INVS: variants seen among roughly 807,000 people sequenced by gnomAD.
INVS encodes inversin.
A neutral mutation model predicts 108.8 loss-of-function variants in INVS; 86 were observed. The ratio of observed to expected loss-of-function variants is 0.79; its 90% confidence interval spans 0.66 to 0.95. The LOEUF (loss-of-function observed/expected upper bound fraction) is 0.95, where lower values mean the gene tolerates loss of function less well. Ranked by LOEUF, INVS falls within the 40% of genes least tolerant of loss-of-function variation. INVS has a pLI of 0.00. For missense variants in INVS, 1,169 were observed against 1,297.4 expected, an observed-to-expected ratio of 0.90 and a Z score of 1.52; for synonymous variants, 455 against 473.5, an observed-to-expected ratio of 0.96 and a Z score of 0.51.
chr9:100,291,097 G>A (rs868217331), intron 13 of INVS, among the ~76,000 whole-genome samples: 2 of 149,304 alleles, frequency 1.3e-5, no homozygotes, highest in Admixed American at 1.3e-4. Context: ...ACGGAGTCTC[G>A]CTGTCACCCA....
chr9:100,229,262 C>G (rs1461528161), intron 4 of INVS, among the ~76,000 whole-genome samples: 4 of 152,106 alleles, frequency 2.6e-5, no homozygotes, highest in Admixed American at 2.6e-4. Context: ...AGAAGGATGA[C>G]TTGAACACAA....
intron 8 of INVS, among the ~76,000 whole-genome samples, chr9:100,251,001 G>T (rs549078897): frequency 6.6e-6 from 1 of 152,134 alleles, no homozygotes; most frequent in East Asian, 1.9e-4. Context: ...CTCAAAATAC[G>T]CTGTCTTTTT....
chr9:100,174,402 T>TAA (rs929801459), intron 3 of INVS, among the ~76,000 whole-genome samples: 1 of 144,166 alleles, frequency 6.9e-6, no homozygotes, highest in African/African-American at 2.5e-5. Flanking sequence ...AACCAATCTT[T>TAA]AAAAAAAAAA....
Position 100,207,340 on chromosome 9 carries a change from C to T in INVS, c.274-18722C>T, listed in dbSNP as rs555439745. 4.6e-5 allele frequency among the ~76,000 whole-genome samples: 7 copies of T among 152,202 alleles called. No homozygotes were observed. In the South Asian group the frequency reaches 1.5e-3, roughly 32 times the overall value. On this transcript the variant is annotated intron_variant, in intron 3 of 16. Coordinates refer to ENST00000262457, the MANE Select transcript of INVS (RefSeq NM_014425.5). ...GCAGAGTCTCACTCTGTCACCCAGG[C>T]TGGAATGCAGTGGCACTATCTTGGC...
chr9:100,123,447 G>A (rs933858217), intron 2 of INVS, among the ~76,000 whole-genome samples: 2 of 152,140 alleles, frequency 1.3e-5, no homozygotes, highest in African/African-American at 4.8e-5. Context: ...CATTCCTTTT[G>A]CTGAGTAATA....
intron 3 of INVS, among the ~76,000 whole-genome samples, chr9:100,207,398 A>G (rs943443648): frequency 6.6e-6 from 1 of 152,062 alleles, no homozygotes; most frequent in Non-Finnish European, 1.5e-5. Flanking sequence ...GATTCAAGCG[A>G]TTCTCATGAC....
intron 5 of INVS, among the ~76,000 whole-genome samples, chr9:100,230,037 C>T (rs375778563): frequency 4.6e-5 from 7 of 152,214 alleles, no homozygotes; most frequent in African/African-American, 1.2e-4. Context: ...AGTTTTTAAA[C>T]GCATTCATTC....
chr9:100,161,135 G>A (rs1829160162), intron 3 of INVS, among the ~76,000 whole-genome samples: 1 of 151,694 alleles, frequency 6.6e-6, no homozygotes, highest in Non-Finnish European at 1.5e-5. Flanking sequence ...CAGCACTTTG[G>A]GAGGCCGAGT....
chr9:100,219,789 A>G (rs948469936), intron 3 of INVS, among the ~76,000 whole-genome samples: 2 of 152,190 alleles, frequency 1.3e-5, no homozygotes, highest in Non-Finnish European at 2.9e-5. Context: ...ATAAATCTGA[A>G]AAATACTGCT....
At chr9:100,106,553 A>G (rs1464974732) in intron 2 of INVS, among the ~76,000 whole-genome samples, 4 of 152,178 alleles carry the variant, frequency 2.6e-5, no homozygotes, top group Admixed American at 2.6e-4. Context: ...TCATTCTCAT[A>G]ATATTGCAAT....
At chr9:100,124,446 G>A (rs1827823111) in intron 2 of INVS, among the ~76,000 whole-genome samples, 1 of 151,334 alleles carries the variant, frequency 6.6e-6, no homozygotes, top group Non-Finnish European at 1.5e-5. Flanking sequence ...GATAAGCCAG[G>A]CATGCACTGT....
intron 3 of INVS, among the ~76,000 whole-genome samples, chr9:100,225,150 C>G (rs1211009846): frequency 6.6e-6 from 1 of 151,760 alleles, no homozygotes; most frequent in Non-Finnish European, 1.5e-5. Context: ...CTCCGCCTCC[C>G]AGGTTCACGC....
intron 14 of INVS, among the ~76,000 whole-genome samples, chr9:100,294,956 T>C (rs892261545): frequency 6.6e-6 from 1 of 152,196 alleles, no homozygotes; most frequent in Non-Finnish European, 1.5e-5. Flanking sequence ...ACAGAGAGGT[T>C]CATCAACTCA....
rs1269646284 is a variant in INVS at position 100,100,947 on chromosome 9, CA to C, written c.-25+1532del. Among the ~76,000 whole-genome samples, 109 of 15,756 alleles carry C rather than the reference CA, an allele frequency of 6.9e-3. 2 individuals are homozygous for C. Among genetic ancestry groups the C allele is most frequent in the African/African-American group, 0.017 (61 of 3,624 alleles). The allele number at this position is 15,756 out of a possible 152,430, so 10.3% of individuals were successfully genotyped here. ...ATATATAATATATATAATATATATACATATATATTATATATATAATATATAT... is the reference window on the plus strand; with the variant it reads ...ATATATAATATATATAATATATATACTATATATTATATATATAATATATAT... On this transcript the variant is annotated intron_variant, in intron 1 of 16. Transcript: ENST00000262457.
intron 4 of INVS, 111 bp from the exon 5 acceptor site, chr9:100,229,549 A>T: frequency 1.1e-6 from 1 of 892,278 alleles, no homozygotes; most frequent in Non-Finnish European, 1.8e-6. Context: ...GAAAACAAAG[A>T]TACAGGGCAA....
intron 4 of INVS, among the ~76,000 whole-genome samples, chr9:100,229,184 A>ATAGC (rs1831431796): frequency 6.6e-6 from 1 of 152,222 alleles, no homozygotes; most frequent in Non-Finnish European, 1.5e-5. Flanking sequence ...GAAACACTTC[A>ATAGC]TAGCTGCTCT....
chr9:100,205,321 C>T (rs1026037562), intron 3 of INVS, among the ~76,000 whole-genome samples: 1 of 152,126 alleles, frequency 6.6e-6, no homozygotes, highest in African/African-American at 2.4e-5. Context: ...TATCCTTAAT[C>T]TGATGCTCAG....
At chr9:100,126,913 G>A (rs757572375) in intron 3 of INVS, among the ~76,000 whole-genome samples, 4 of 151,958 alleles carry the variant, frequency 2.6e-5, no homozygotes, top group African/African-American at 9.7e-5. Flanking sequence ...TTAAATTTGG[G>A]GAATATATAT....
chr9:100,298,869 G>A (rs2118789967), intron 16 of INVS, among the ~76,000 whole-genome samples: 1 of 149,048 alleles, frequency 6.7e-6, no homozygotes, highest in East Asian at 1.9e-4. Flanking sequence ...CCTACAGTCT[G>A]TTTAAAAACA....
Sources: gnomAD v4.1 joint callset for allele counts (sites outside exome capture counted in the v4.1 genomes callset) on GRCh38, gnomAD v4.1.1 for gene constraint, MANE v1.5 for transcripts, NCBI Gene and HGNC (gene_info 2026-07-23, HGNC 2026-07-21) for gene names.